Variants in TBPL1 observed in about 807,000 individuals in gnomAD.
TBPL1 encodes the protein TATA-box binding protein like 1.
In TBPL1, 4 loss-of-function variants were observed where a neutral mutation model predicts 22.1. The observed-to-expected ratio is 0.18, with a 90% CI of 0.09 to 0.41. TBPL1 has a LOEUF of 0.41. TBPL1 is among the 10% of genes least tolerant of loss of function. The pLI is 1.00. For missense variants in TBPL1, 115 were observed against 222.3 expected (o/e 0.52, Z 3.07); for synonymous variants, 64 against 71.0 (o/e 0.90, Z 0.50).
chr6:133,966,457 G>A (rs1433361147), intron 1 of TBPL1, among the ~76,000 whole-genome samples: 1 of 152,142 alleles, frequency 6.6e-6, no homozygotes, highest in Non-Finnish European at 1.5e-5. Context: ...TTTCACCCAT[G>A]ATGGTTTTAA....
chr6:133,976,339 G>T (rs1391325086), intron 1 of TBPL1, among the ~76,000 whole-genome samples: 1 of 152,146 alleles, frequency 6.6e-6, no homozygotes, highest in East Asian at 1.9e-4. Flanking sequence ...CAATGTTTCA[G>T]ATACGATGTT....
chr6:133,954,187 A>G (rs560941880), intron 1 of TBPL1, among the ~76,000 whole-genome samples: 152 of 152,350 alleles, frequency 1.0e-3, no homozygotes, highest in African/African-American at 3.2e-3. Flanking sequence ...ACTGCAGTCA[A>G]TCCACATCTG....
At chr6:133,985,690 C>A (rs1455329270) in intron 6 of TBPL1, among the ~76,000 whole-genome samples, 2 of 151,992 alleles carry the variant, frequency 1.3e-5, no homozygotes, top group African/African-American at 4.8e-5. Flanking sequence ...CTTTAATGTC[C>A]TTGAGCTTTG....
chr6:133,985,298 ATATATATATATATATATATAT>A lies in TBPL1; in HGVS notation c.481+628_481+648del, dbSNP rs1294402924. On this transcript the variant is annotated intron_variant, in intron 6 of 6. Transcript: ENST00000237264. ...GTCTAAAAAAAAAAAAAAAAAAAAA[ATATATATATATATATATATAT>A]ATATATATATATATATATACACACA... 8.0e-4 allele frequency among the ~76,000 whole-genome samples: 25 copies of A among 31,126 alleles called. 6 individuals are homozygous for A. The East Asian group carries it at 9.6e-3, about 12-fold the overall frequency. 20.4% of individuals were successfully genotyped at this position (31,126 alleles called of 152,430 possible). A position where few individuals can be genotyped will look rare whatever the true frequency, so the allele number is the denominator to read the frequency against.
chr6:133,985,292 AAAAAAATATATATATAT>A lies in TBPL1; in HGVS notation c.481+623_481+639del, dbSNP rs1776490312. On this transcript the variant is annotated intron_variant, in intron 6 of 6. Coordinates refer to ENST00000237264, the MANE Select transcript of TBPL1 (RefSeq NM_004865.4). ...GACTCTGTCTAAAAAAAAAAAAAAA[AAAAAAATATATATATAT>A]ATATATATATATATATATATATATA... Among the ~76,000 whole-genome samples the A allele has an allele frequency of 3.0e-5, 2 of 67,254 alleles. 1 individual carries two copies. The highest frequency in any genetic ancestry group is 1.2e-4 in the African/African-American group (2 of 16,620). The allele number at this position is 67,254 out of a possible 152,430, so 44.1% of individuals were successfully genotyped here.
chr6:133,959,415 CTGTTT>C (rs1248000193), intron 1 of TBPL1, among the ~76,000 whole-genome samples: 1 of 152,158 alleles, frequency 6.6e-6, no homozygotes, highest in African/African-American at 2.4e-5. Context: ...TAAAACTTGC[CTGTTT>C]TGAGACAAAG....
chr6:133,966,972 A>T (rs905558998), intron 1 of TBPL1, among the ~76,000 whole-genome samples: 1 of 152,180 alleles, frequency 6.6e-6, no homozygotes, highest in Non-Finnish European at 1.5e-5. Context: ...TTTTTTAGCT[A>T]ACCACTACTT....
intron 1 of TBPL1, among the ~76,000 whole-genome samples, chr6:133,965,456 C>T (rs1318064195): frequency 6.6e-6 from 1 of 152,046 alleles, no homozygotes; most frequent in East Asian, 1.9e-4. Context: ...AGCATAATAC[C>T]TATTTCGTAA....
At chr6:133,972,708 TTTTC>T (rs1562661622) in intron 1 of TBPL1, among the ~76,000 whole-genome samples, 5 of 148,254 alleles carry the variant, frequency 3.4e-5, no homozygotes, top group African/African-American at 9.8e-5. Flanking sequence ...TTGTTTGTTT[TTTTC>T]CCCTCATCTG....
At chr6:133,985,337 T>C (rs9399084) in intron 6 of TBPL1, among the ~76,000 whole-genome samples, 15,274 of 54,754 alleles carry the variant, frequency 0.28, 4,462 homozygotes, top group Non-Finnish European at 0.41. Context: ...TATATATATA[T>C]ACACACATAT....
intron 1 of TBPL1, among the ~76,000 whole-genome samples, chr6:133,957,659 A>G (rs1202530697): frequency 6.6e-6 from 1 of 152,224 alleles, no homozygotes; most frequent in East Asian, 1.9e-4. Context: ...CGGACTCTGG[A>G]TGCAGGCAGC....
At chr6:133,974,191 C>G (rs1470108285) in intron 1 of TBPL1, among the ~76,000 whole-genome samples, 3 of 152,118 alleles carry the variant, frequency 2.0e-5, no homozygotes, top group Non-Finnish European at 4.4e-5. Context: ...CTACATCTGT[C>G]TAGCTTTATA....
At chr6:133,963,923 C>T (rs931907051) in intron 1 of TBPL1, among the ~76,000 whole-genome samples, 15 of 150,954 alleles carry the variant, frequency 9.9e-5, no homozygotes, top group Non-Finnish European at 2.1e-4. Flanking sequence ...CGCCTGTAGT[C>T]GCAGCTACTC....
chr6:133,968,955 C>T (rs902484940), intron 1 of TBPL1: 34 of 152,228 alleles, frequency 2.2e-4, no homozygotes, highest in African/African-American at 8.2e-4. Flanking sequence ...GGCACCACTC[C>T]TGGTCAGTAT....
At chr6:133,957,505 A>G (rs894544902) in intron 1 of TBPL1, among the ~76,000 whole-genome samples, 2 of 152,216 alleles carry the variant, frequency 1.3e-5, no homozygotes, top group Admixed American at 6.5e-5. Flanking sequence ...ATTTGTTTCC[A>G]TTAATAAAAT....
intron 1 of TBPL1, among the ~76,000 whole-genome samples, chr6:133,973,783 G>C (rs2114362016): frequency 6.6e-6 from 1 of 152,222 alleles, no homozygotes; most frequent in African/African-American, 2.4e-5. Flanking sequence ...TTTGAAGTTT[G>C]CTTTTTTTAT....
chr6:133,976,112 G>A (rs577308741), intron 1 of TBPL1, among the ~76,000 whole-genome samples: 7 of 152,200 alleles, frequency 4.6e-5, no homozygotes, highest in Admixed American at 3.9e-4. Flanking sequence ...TGAATGTTGT[G>A]TCAAAGGGCT....
intron 4 of TBPL1, among the ~76,000 whole-genome samples, chr6:133,983,111 T>G (rs1003852468): frequency 1.3e-5 from 2 of 152,224 alleles, no homozygotes; most frequent in Non-Finnish European, 2.9e-5. Context: ...TAAAGAGACT[T>G]GTTTCCTCAC....
intron 1 of TBPL1, among the ~76,000 whole-genome samples, chr6:133,960,414 C>T (rs976242480): frequency 6.8e-6 from 1 of 146,828 alleles, no homozygotes; most frequent in African/African-American, 2.6e-5. Context: ...TTTGGCTGAC[C>T]AGCCTTTTTT....
Sources: gnomAD v4.1 joint callset for allele counts (sites outside exome capture counted in the v4.1 genomes callset) on GRCh38, gnomAD v4.1.1 for gene constraint, MANE v1.5 for transcripts, NCBI Gene and HGNC (gene_info 2026-07-23, HGNC 2026-07-21) for gene names.